NXPE2: variants seen among roughly 807,000 people sequenced by gnomAD.
The protein encoded by NXPE2 is NXPE family member 2.
A neutral mutation model predicts 34.4 loss-of-function variants in NXPE2; 34 were observed. The ratio of observed to expected loss-of-function variants is 0.99; its 90% CI spans 0.75 to 1.31. The LOEUF (loss-of-function observed/expected upper bound fraction) is 1.31. Among genes scored for constraint, NXPE2 ranks in the 40% most tolerant of loss-of-function variants. The pLI is 0.00. For synonymous variants in NXPE2, 235 were observed against 231.3 expected (o/e 1.02, Z -0.15); for missense variants, 649 against 672.5 (o/e 0.97, Z 0.39).
chr11:114,735,270 A>G, the NXPE2 span, among the ~76,000 whole-genome samples: 1 of 151,848 alleles, frequency 6.6e-6, no homozygotes, highest in Admixed American at 6.6e-5. Context: ...TCTGAGTACA[A>G]TGCTTTCTCT....
chr11:114,469,109 C>CTTTTTTT, the NXPE2 span, among the ~76,000 whole-genome samples: 831 of 88,888 alleles, frequency 9.3e-3, 46 homozygotes, highest in African/African-American at 0.01. Flanking sequence ...ACAGTGCTAG[C>CTTTTTTT]TTTTTTTTTT....
chr11:114,676,400 ATAAGT>A (rs1950858572), upstream of NXPE2, among the ~76,000 whole-genome samples: 1 of 152,112 alleles, frequency 6.6e-6, no homozygotes, highest in Admixed American at 6.6e-5. Flanking sequence ...AAGAACTCAA[ATAAGT>A]TAATAGTAAG....
At chr11:114,709,883 C>T (rs1859578340), downstream of NXPE2, among the ~76,000 whole-genome samples, 1 of 149,542 alleles carries the variant, frequency 6.7e-6, no homozygotes, top group Admixed American at 6.7e-5. Context: ...GCCTGGGTGA[C>T]AGAGCGAGAC....
intron 2 of NXPE2, among the ~76,000 whole-genome samples, chr11:114,697,037 G>T (rs949329705): frequency 6.6e-6 from 1 of 151,978 alleles, no homozygotes; most frequent in African/African-American, 2.4e-5. Flanking sequence ...TATAAATATG[G>T]CTTCTCTCTC....
In NXPE2 at chr11:114,692,246, T is replaced by C. The variant is rs150372793; in HGVS notation, c.133-5799T>C. ...TTGTGGCTGAAGAGGATGGGGTCCC[T>C]CTCAGGCAAGTAGCATGGGCAAGAA... On this transcript the variant is annotated intron_variant, in intron 2 of 5. Coordinates refer to ENST00000389586, the MANE Select transcript of NXPE2 (RefSeq NM_182495.6). 8.4e-3 allele frequency among the ~76,000 whole-genome samples: 1,287 copies of C among 152,322 alleles called. 12 individuals are homozygous for C. The highest frequency in any genetic ancestry group is 0.013 in the Non-Finnish European group (879 of 68,030).
At chr11:114,691,099 TA>T (rs750080592) in intron 2 of NXPE2, among the ~76,000 whole-genome samples, 41 of 152,262 alleles carry the variant, frequency 2.7e-4, no homozygotes, top group Middle Eastern at 3.4e-3. Context: ...CTAGTTAATA[TA>T]CATTGTTTGT....
chr11:114,806,399 G>A, the NXPE2 span, among the ~76,000 whole-genome samples: 2 of 151,666 alleles, frequency 1.3e-5, no homozygotes, highest in Non-Finnish European at 2.9e-5. Flanking sequence ...ACTACTCCAA[G>A]CTACAGAAGG....
At chr11:114,725,026 G>A in the NXPE2 span, among the ~76,000 whole-genome samples, 4 of 151,494 alleles carry the variant, frequency 2.6e-5, no homozygotes, top group Admixed American at 6.6e-5. Context: ...GAGCAGCAGC[G>A]TTTGTGTCCA....
At chr11:114,474,903 T>G in the NXPE2 span, among the ~76,000 whole-genome samples, 1 of 152,308 alleles carries the variant, frequency 6.6e-6, no homozygotes, top group African/African-American at 2.4e-5. Context: ...GGAAGGATTA[T>G]GATTGTCGTG....
the NXPE2 span, among the ~76,000 whole-genome samples, chr11:114,623,183 C>T: frequency 6.6e-6 from 1 of 151,888 alleles, no homozygotes; most frequent in Non-Finnish European, 1.5e-5. Context: ...ATAATTATTG[C>T]CTCTAGGGTA....
At chr11:114,477,094 T>A in the NXPE2 span, among the ~76,000 whole-genome samples, 7 of 152,210 alleles carry the variant, frequency 4.6e-5, no homozygotes, top group Non-Finnish European at 8.8e-5. Flanking sequence ...AAATATATTG[T>A]GGCATATTTA....
At chr11:114,551,143 A>G in the NXPE2 span, 53 of 1,533,620 alleles carry the variant, frequency 3.5e-5, no homozygotes, top group Non-Finnish European at 4.4e-5. Flanking sequence ...CATCCAGGTT[A>G]CTACTGAAAA....
chr11:114,799,680 T>C, the NXPE2 span, among the ~76,000 whole-genome samples: 2 of 152,218 alleles, frequency 1.3e-5, no homozygotes, highest in Non-Finnish European at 2.9e-5. Flanking sequence ...GAGCAGAGGC[T>C]GCACCCGTTT....
At chr11:114,746,852 AAAACAAAC>A in the NXPE2 span, among the ~76,000 whole-genome samples, 2 of 150,048 alleles carry the variant, frequency 1.3e-5, no homozygotes. Context: ...CTCCCTCTCA[AAAACAAAC>A]AAACAAACAA....
chr11:114,586,791 C>T, the NXPE2 span, among the ~76,000 whole-genome samples: 1 of 152,166 alleles, frequency 6.6e-6, no homozygotes, highest in Non-Finnish European at 1.5e-5. Context: ...TTCCTATCCG[C>T]AACTTCCATG....
the NXPE2 span, among the ~76,000 whole-genome samples, chr11:114,742,280 C>T: frequency 6.6e-5 from 10 of 152,226 alleles, no homozygotes; most frequent in East Asian, 1.9e-4. Flanking sequence ...TGTTGTTCTG[C>T]GGATAAAGCC....
At chr11:114,556,900 T>G in the NXPE2 span, among the ~76,000 whole-genome samples, 1 of 151,776 alleles carries the variant, frequency 6.6e-6, no homozygotes, top group Admixed American at 6.6e-5. Flanking sequence ...TTTTGACTTT[T>G]TTTTTTTTTT....
chr11:114,601,173 T>A, the NXPE2 span, among the ~76,000 whole-genome samples: 1 of 151,484 alleles, frequency 6.6e-6, no homozygotes, highest in Non-Finnish European at 1.5e-5. Context: ...AACTCTGGAG[T>A]TTTAGTGTAC....
At chr11:114,516,704 G>A in the NXPE2 span, among the ~76,000 whole-genome samples, 25 of 152,124 alleles carry the variant, frequency 1.6e-4, no homozygotes, top group Non-Finnish European at 2.5e-4. Flanking sequence ...GCACACGCAA[G>A]GAGAGGAACG....
Sources: gnomAD v4.1 joint callset for allele counts (sites outside exome capture counted in the v4.1 genomes callset) on GRCh38, gnomAD v4.1.1 for gene constraint, MANE v1.5 for transcripts, NCBI Gene and HGNC (gene_info 2026-07-23, HGNC 2026-07-21) for gene names.